The following LRBA variants were observed in gnomAD, a reference collection of about 807,000 sequenced individuals.
LRBA encodes the protein lipopolysaccharide-responsive and beige-like anchor protein.
In LRBA, 176 loss-of-function variants were observed where a neutral mutation model predicts 330.0. The ratio of observed to expected loss-of-function variants is 0.53; its 90% confidence interval spans 0.47 to 0.60. The LOEUF is 0.60. Among genes scored for constraint, LRBA ranks in the 20% least tolerant of loss-of-function variants. LRBA has a pLI of 0.00. For synonymous variants in LRBA, 1,230 were observed against 1,193.0 expected (o/e 1.03, Z -0.64); for missense variants, 3,259 against 3,444.8 (o/e 0.95, Z 1.35).
chr4:150,381,931 G>A (rs1353359006), intron 47 of LRBA, among the ~76,000 whole-genome samples: 2 of 152,122 alleles, frequency 1.3e-5, no homozygotes, highest in East Asian at 1.9e-4. Flanking sequence ...ATATTTTCAC[G>A]TGCCTTTTGG....
chr4:150,547,148 A>G (rs1765947655), intron 40 of LRBA, among the ~76,000 whole-genome samples: 1 of 152,166 alleles, frequency 6.6e-6, no homozygotes, highest in Admixed American at 6.6e-5. Context: ...TAAAATACAT[A>G]CATATACACA....
At chr4:150,547,320 C>A (rs947269622) in intron 40 of LRBA, among the ~76,000 whole-genome samples, 3 of 151,992 alleles carry the variant, frequency 2.0e-5, no homozygotes, top group Non-Finnish European at 2.9e-5. Context: ...AAGAAAAATG[C>A]GACAAAACAC....
intron 40 of LRBA, among the ~76,000 whole-genome samples, chr4:150,527,775 C>T (rs906236972): frequency 1.3e-5 from 2 of 152,050 alleles, no homozygotes; most frequent in African/African-American, 4.8e-5. Flanking sequence ...CACTTAGAGC[C>T]CACAATGAAA....
At chr4:150,447,256 A>G (rs1347495988) in intron 44 of LRBA, among the ~76,000 whole-genome samples, 1 of 152,212 alleles carries the variant, frequency 6.6e-6, no homozygotes, top group East Asian at 1.9e-4. Flanking sequence ...TGCAGAGATT[A>G]AGCATTATTT....
chr4:150,596,239 T>C (rs2126493085), intron 38 of LRBA, among the ~76,000 whole-genome samples: 1 of 151,996 alleles, frequency 6.6e-6, no homozygotes, highest in East Asian at 1.9e-4. Flanking sequence ...TAGCCAGAAG[T>C]AGAGTCATGG....
rs540895464 is a variant in LRBA, at chr4:150,917,878, G to A, written c.646-1140C>T. 3.9e-5 allele frequency among the ~76,000 whole-genome samples: 6 copies of A among 151,992 alleles called. 1 individual carries two copies. The South Asian group carries it at 1.0e-3, about 26-fold the overall frequency. On this transcript the variant is annotated intron_variant, in intron 5 of 56. Coordinates refer to ENST00000651943, the MANE Select transcript of LRBA (RefSeq NM_001364905.1). ...CAGGAGGCAGAGGTTGCAGTGAGCC[G>A]AGATCATGCCATTGCACTCCAGCCA...
chr4:150,791,872 C>CA (rs1252134779), intron 34 of LRBA, among the ~76,000 whole-genome samples: 3 of 151,406 alleles, frequency 2.0e-5, no homozygotes, highest in African/African-American at 7.3e-5. Context: ...ACTAAAAATA[C>CA]AAAAAAATTA....
At chr4:150,694,452 T>A (rs2126966348) in intron 36 of LRBA, among the ~76,000 whole-genome samples, 1 of 9,646 alleles carries the variant, frequency 1.0e-4, no homozygotes, top group Non-Finnish European at 1.2e-3. Flanking sequence ...CCTTAAAGTG[T>A]GATCTTTAAC....
At chr4:150,966,368 C>T (rs1407131218) in intron 2 of LRBA, among the ~76,000 whole-genome samples, 2 of 150,850 alleles carry the variant, frequency 1.3e-5, no homozygotes, top group African/African-American at 4.9e-5. Flanking sequence ...AGTGCAGTGG[C>T]ATGATCTTGA....
chr4:150,908,862 GAATT>G lies in LRBA; in HGVS notation c.1162-9_1162-6del, dbSNP rs753692229. 1.5e-5 allele frequency: 24 copies of G among 1,599,064 alleles called. No homozygotes were observed. In the South Asian group the frequency reaches 2.1e-4, roughly 14 times the overall value. Reference sequence around the variant, plus strand: ...TGCTTTGAATTTAAATGTACCCTAAGAATTAATTAAAAACAGTTAAATAGTATGC... The same window carrying G: ...TGCTTTGAATTTAAATGTACCCTAAGAATTAAAAACAGTTAAATAGTATGC... On this transcript the variant is annotated splice_polypyrimidine_tract_variant and splice_region_variant and intron_variant, in intron 9 of 56. Coordinates refer to ENST00000651943, the MANE Select transcript of LRBA (RefSeq NM_001364905.1).
intron 41 of LRBA, 30 bp downstream of exon 41, chr4:150,490,888 C>G (rs368915449): frequency 5.7e-5 from 75 of 1,309,746 alleles, no homozygotes; most frequent in Non-Finnish European, 7.8e-5. Context: ...GAAGTTAGCT[C>G]TGTAACAACG....
At chr4:150,883,509 A>G (rs146155103) in intron 17 of LRBA, among the ~76,000 whole-genome samples, 1 of 152,330 alleles carries the variant, frequency 6.6e-6, no homozygotes, top group East Asian at 1.9e-4. Context: ...AGGTAATCAT[A>G]AACAGGTACT....
At chr4:150,290,592 A>G (rs1728158421) in intron 53 of LRBA, among the ~76,000 whole-genome samples, 1 of 152,242 alleles carries the variant, frequency 6.6e-6, no homozygotes, top group Non-Finnish European at 1.5e-5. Flanking sequence ...AAAGAGAAAG[A>G]GGACAGACTT....
intron 2 of LRBA, among the ~76,000 whole-genome samples, chr4:150,953,791 A>G (rs1579306140): frequency 6.8e-6 from 1 of 147,822 alleles, no homozygotes; most frequent in Non-Finnish European, 1.5e-5. Flanking sequence ...CACCCCGTCT[A>G]GGAAGTGAGA....
At chr4:150,369,228 T>C (rs1269945473) in intron 47 of LRBA, among the ~76,000 whole-genome samples, 1 of 152,180 alleles carries the variant, frequency 6.6e-6, no homozygotes, top group Non-Finnish European at 1.5e-5. Flanking sequence ...TTGATGTCTT[T>C]TAACTATCTC....
At chr4:150,738,373 C>A (rs1464061212) in intron 35 of LRBA, among the ~76,000 whole-genome samples, 1 of 152,016 alleles carries the variant, frequency 6.6e-6, no homozygotes, top group African/African-American at 2.4e-5. Flanking sequence ...GGTCCCCAAA[C>A]AACAAACCTA....
chr4:150,648,761 A>T (rs1229455409), intron 37 of LRBA, among the ~76,000 whole-genome samples: 1 of 152,120 alleles, frequency 6.6e-6, no homozygotes, highest in East Asian at 1.9e-4. Context: ...CAAGTAGTTG[A>T]GGGAGCTGAA....
intron 46 of LRBA, among the ~76,000 whole-genome samples, chr4:150,427,489 A>G (rs1749792428): frequency 1.3e-5 from 2 of 152,012 alleles, no homozygotes; most frequent in Non-Finnish European, 1.5e-5. Context: ...CAAGTTATCT[A>G]TAAGTTACGT....
chr4:150,668,869 A>G (rs1245858479), intron 37 of LRBA, among the ~76,000 whole-genome samples: 1 of 152,194 alleles, frequency 6.6e-6, no homozygotes, highest in Non-Finnish European at 1.5e-5. Context: ...GCATAAAGAA[A>G]GAGTGTGAGA....
Sources: allele counts gnomAD v4.1 joint callset (sites outside exome capture counted in the v4.1 genomes callset), GRCh38; gene constraint gnomAD v4.1.1; transcripts MANE v1.5; gene names NCBI Gene and HGNC (gene_info 2026-07-23, HGNC 2026-07-21).